Variants in CCDC66 observed in about 807,000 individuals in gnomAD.
CCDC66 encodes coiled-coil domain-containing protein 66.
A neutral mutation model predicts 128.3 loss-of-function variants in CCDC66; 133 were observed. The observed-to-expected ratio is 1.04, with a 90% CI of 0.90 to 1.20. The LOEUF (loss-of-function observed/expected upper bound fraction) is 1.20, where lower values mean the gene tolerates loss of function less well. Among genes scored for constraint, CCDC66 ranks in the 50% most tolerant of loss-of-function variants. The probability of loss-of-function intolerance (pLI) is 0.00; values close to 1 mark genes in which losing one functional copy is unlikely to be tolerated. For missense variants in CCDC66, 1,126 were observed against 1,075.5 expected (o/e 1.05, Z -0.66); for synonymous variants, 387 against 357.0 (o/e 1.08, Z -0.95).
chr3:56,560,373 T>G (rs2064938419), intron 3 of CCDC66, among the ~76,000 whole-genome samples: 1 of 152,078 alleles, frequency 6.6e-6, no homozygotes, highest in Non-Finnish European at 1.5e-5. Flanking sequence ...GCCCAGCTAA[T>G]TTTTTTTATT....
chr3:56,577,826 G>A (rs1032335831), intron 7 of CCDC66, among the ~76,000 whole-genome samples: 1 of 151,818 alleles, frequency 6.6e-6, no homozygotes, highest in East Asian at 2.0e-4. Context: ...TGGTAACCTT[G>A]TAGTGTAGTT....
Position 56,558,894 on chromosome 3 carries a change from AAT to A in CCDC66, c.63_64del (p.Leu22ValfsTer4). 6.5e-7 allele frequency: 1 copy of A among 1,547,934 alleles called. No individual in the cohort carries two copies. Among genetic ancestry groups the A allele is most frequent in the Middle Eastern group, 1.7e-4 (1 of 5,936 alleles). ...AATTACTGGATGGAAAAACCAAGCTAATATTGTCTCCATATGGTATGTTGTGT... is the reference window on the plus strand; with the variant it reads ...AATTACTGGATGGAAAAACCAAGCTAATTGTCTCCATATGGTATGTTGTGT... ...TELLDGKTKL[I>X]LSPYEHKSKI... On this transcript the variant is annotated frameshift_variant, in exon 2 of 18. Coordinates refer to ENST00000394672, the MANE Select transcript of CCDC66 (RefSeq NM_001141947.3). LOFTEE classifies it high-confidence loss of function.
chr3:56,598,988 A>G (rs2072648900), intron 10 of CCDC66, among the ~76,000 whole-genome samples: 1 of 151,958 alleles, frequency 6.6e-6, no homozygotes, highest in Admixed American at 6.6e-5. Flanking sequence ...ATAGTTTGGG[A>G]AGAATTGGTT....
intron 10 of CCDC66, among the ~76,000 whole-genome samples, chr3:56,602,270 G>A (rs571808623): frequency 3.9e-5 from 6 of 152,044 alleles, no homozygotes; most frequent in Admixed American, 1.3e-4. Context: ...AATAGATTAC[G>A]TTTACTGATT....
At chr3:56,571,365 T>A in intron 7 of CCDC66, 63 bp downstream of exon 7, 1 of 1,167,606 alleles carries the variant, frequency 8.6e-7, no homozygotes, top group Non-Finnish European at 1.2e-6. Flanking sequence ...GAATTTATTT[T>A]TAAAGCTTAT....
intron 7 of CCDC66, among the ~76,000 whole-genome samples, chr3:56,587,723 G>T (rs1293509359): frequency 6.6e-6 from 1 of 152,134 alleles, no homozygotes. Flanking sequence ...ACAAAAATTA[G>T]CCAGGCGTGG....
chr3:56,592,504 A>G (rs1254834969), intron 7 of CCDC66, among the ~76,000 whole-genome samples: 1 of 149,170 alleles, frequency 6.7e-6, no homozygotes, highest in Non-Finnish European at 1.5e-5. Context: ...GATTACAGAC[A>G]TGCACCACCA....
chr3:56,569,273 A>G, intron 6 of CCDC66: 1 of 272,722 alleles, frequency 3.7e-6, no homozygotes, highest in Non-Finnish European at 7.9e-6. Flanking sequence ...GGAATACCTG[A>G]GACTGAATAA....
rs753875788 is a variant in CCDC66, at chr3:56,597,776, G to GTTTTTTTTTT, written c.1404+3748_1404+3749insTTTTTTTTTT. On this transcript the variant is annotated intron_variant, in intron 10 of 17. Transcript: ENST00000394672. ...TTGTGGAGTCTAGGTTTTGTTTTGG[G>GTTTTTTTTTT]GTTTTTTTTTTTTTTTGAGACAGAG... Among the ~76,000 whole-genome samples, 52 of 61,838 alleles carry GTTTTTTTTTT rather than the reference G, an allele frequency of 8.4e-4. 7 individuals carry two copies. In the South Asian group the frequency reaches 0.014, roughly 17 times the overall value. 40.6% of individuals were successfully genotyped at this position (61,838 alleles called of 152,430 possible). A position where few individuals can be genotyped will look rare whatever the true frequency, so the allele number is the denominator to read the frequency against.
rs368908401 is a variant in CCDC66 at position 56,596,409 on chromosome 3, G to GGT, written c.1404+2394_1404+2395dup. ...TTTTAATGGAATTATTTGGATTTTT[G>GGT]GTGTGTGTGTGTGTTTAGTTTGAGT... On this transcript the variant is annotated intron_variant, in intron 10 of 17. Transcript: ENST00000394672. Among the ~76,000 whole-genome samples, 85 of 151,902 alleles carry GGT rather than the reference G, an allele frequency of 5.6e-4. 1 individual carries two copies. In the Middle Eastern group the frequency reaches 0.014, roughly 24 times the overall value.
At chr3:56,617,686 C>T (rs1031295779) in intron 14 of CCDC66, 81 bp downstream of exon 14, 19 of 1,474,464 alleles carry the variant, frequency 1.3e-5, no homozygotes, top group Non-Finnish European at 1.5e-5. Context: ...TTTGGTAAGG[C>T]TGTTCTGATC....
chr3:56,557,258 G>GCAGGGGTAAA lies in CCDC66; in HGVS notation c.11+14_11+15insACAGGGGTAA, dbSNP rs2107672300. ...AGGTCAGGCCATGAACTTGGGGTAA[G>GCAGGGGTAAA]CAGGGGTAAGCTGGGGTAAGCTGGG... is the stretch of plus-strand genomic sequence containing the variant. On this transcript the variant is annotated splice_donor_region_variant and intron_variant, in intron 1 of 17. Transcript: ENST00000394672. 6.5e-7 allele frequency: 1 copy of GCAGGGGTAAA among 1,549,354 alleles called. No individual in the cohort carries two copies. The highest frequency in any genetic ancestry group is 8.7e-7 in the Non-Finnish European group (1 of 1,145,874).
At chr3:56,571,679 A>G (rs1017719830) in intron 7 of CCDC66, among the ~76,000 whole-genome samples, 1 of 152,162 alleles carries the variant, frequency 6.6e-6, no homozygotes, top group African/African-American at 2.4e-5. Context: ...TGCCCAGCCT[A>G]TTTAAAAAAA....
intron 7 of CCDC66, among the ~76,000 whole-genome samples, chr3:56,581,179 T>A (rs146064191): frequency 0.011 from 1,685 of 151,984 alleles, 22 homozygotes; most frequent in Middle Eastern, 0.024. Flanking sequence ...CTGATACCCT[T>A]TCTTCCACTT....
chr3:56,584,497 C>T (rs544254481), intron 7 of CCDC66, among the ~76,000 whole-genome samples: 6 of 147,136 alleles, frequency 4.1e-5, no homozygotes, highest in Admixed American at 6.8e-5. Context: ...CCAGACGGGG[C>T]GGCAGGGCAG....
intron 3 of CCDC66, 33 bp downstream of exon 3, chr3:56,559,627 C>A (rs879557794): frequency 1.3e-6 from 2 of 1,494,162 alleles, no homozygotes; most frequent in African/African-American, 1.4e-5. Flanking sequence ...GACCTGTTTT[C>A]AAATGTAAAA....
intron 7 of CCDC66, among the ~76,000 whole-genome samples, chr3:56,584,987 C>G (rs1307648535): frequency 6.6e-6 from 1 of 151,736 alleles, no homozygotes; most frequent in Non-Finnish European, 1.5e-5. Context: ...AGGCACTCGG[C>G]AGGCTGAGGC....
intron 1 of CCDC66, chr3:56,557,591 G>C: frequency 2.8e-6 from 1 of 356,876 alleles, no homozygotes; most frequent in Non-Finnish European, 5.1e-6. Context: ...GGCGGCTCCT[G>C]GGGAGGACTC....
chr3:56,606,022 G>A (rs1445104410), intron 10 of CCDC66, among the ~76,000 whole-genome samples: 1 of 152,092 alleles, frequency 6.6e-6, no homozygotes, highest in East Asian at 1.9e-4. Context: ...TTGCTGAGCT[G>A]CGGTGGGCTC....
Sources: allele counts gnomAD v4.1 joint callset (sites outside exome capture counted in the v4.1 genomes callset), GRCh38; gene constraint gnomAD v4.1.1; transcripts MANE v1.5; gene names NCBI Gene and HGNC (gene_info 2026-07-23, HGNC 2026-07-21).